Variants in EYS observed in about 807,000 individuals in gnomAD.
EYS encodes the protein EGF-like photoreceptor maintenance factor, also known as protein eyes shut homolog.
EYS carries 250 observed loss-of-function variants against 282.1 expected under a neutral mutation model. That is an observed-to-expected ratio of 0.89 (90% CI 0.80 to 0.98). EYS has a LOEUF of 0.98. Among genes scored for constraint, EYS ranks in the 50% least tolerant of loss-of-function variants. The pLI is 0.00. For missense variants in EYS, 4,016 were observed against 3,709.0 expected (o/e 1.08, Z -2.15); for synonymous variants, 1,355 against 1,282.9 (o/e 1.06, Z -1.20).
chr6:64,409,952 T>C (rs1386869332), intron 28 of EYS, among the ~76,000 whole-genome samples: 1 of 152,146 alleles, frequency 6.6e-6, no homozygotes, highest in African/African-American at 2.4e-5. Context: ...TTATATTTTA[T>C]ATAGCCTGGG....
intron 31 of EYS, among the ~76,000 whole-genome samples, chr6:64,177,776 T>A (rs1256176253): frequency 6.6e-6 from 1 of 152,198 alleles, no homozygotes; most frequent in East Asian, 1.9e-4. Flanking sequence ...TCTCTGATAC[T>A]TTAGATGCAA....
At chr6:64,356,124 A>G (rs1771816775) in intron 29 of EYS, among the ~76,000 whole-genome samples, 1 of 151,644 alleles carries the variant, frequency 6.6e-6, no homozygotes, top group African/African-American at 2.4e-5. Flanking sequence ...TTAAAATTAC[A>G]TGTGGGGGGC....
chr6:64,018,662 T>C (rs576372378), intron 33 of EYS, among the ~76,000 whole-genome samples: 1 of 151,898 alleles, frequency 6.6e-6, no homozygotes, highest in Admixed American at 6.6e-5. Flanking sequence ...TTACTTTATT[T>C]GGAAAAGGGT....
chr6:64,078,284 C>A (rs930659394), intron 32 of EYS, among the ~76,000 whole-genome samples: 2 of 152,010 alleles, frequency 1.3e-5, no homozygotes, highest in Non-Finnish European at 2.9e-5. Flanking sequence ...AAAATCAACA[C>A]CTAATATTTG....
chr6:65,679,987 T>C (rs1309486662), intron 1 of EYS, among the ~76,000 whole-genome samples: 1 of 151,864 alleles, frequency 6.6e-6, no homozygotes, highest in Non-Finnish European at 1.5e-5. Context: ...GGAATCTGTA[T>C]TTTAAGTATT....
At chr6:65,251,817 C>T (rs1224536702) in intron 12 of EYS, among the ~76,000 whole-genome samples, 1 of 151,958 alleles carries the variant, frequency 6.6e-6, no homozygotes, top group East Asian at 1.9e-4. Context: ...AAGGAGACTC[C>T]CAATGCCTAA....
At chr6:64,390,790 C>T (rs1253446936) in intron 28 of EYS, among the ~76,000 whole-genome samples, 20 of 148,802 alleles carry the variant, frequency 1.3e-4, no homozygotes, top group Non-Finnish European at 2.2e-4. Context: ...CTTTGACGAG[C>T]TGAGAGAAGA....
At chr6:65,116,860 T>G (rs572893947) in intron 12 of EYS, among the ~76,000 whole-genome samples, 1 of 148,832 alleles carries the variant, frequency 6.7e-6, no homozygotes, top group Non-Finnish European at 1.5e-5. Context: ...TTATGAAACT[T>G]GAGTCTATCA....
At chr6:64,586,947 A>G (rs1766253188) in intron 26 of EYS, among the ~76,000 whole-genome samples, 1 of 152,246 alleles carries the variant, frequency 6.6e-6, no homozygotes, top group Non-Finnish European at 1.5e-5. Flanking sequence ...AATTGCTAGA[A>G]TATGTTCCCT....
intron 9 of EYS, among the ~76,000 whole-genome samples, chr6:65,349,816 A>G (rs965222072): frequency 6.6e-6 from 1 of 151,490 alleles, no homozygotes; most frequent in Non-Finnish European, 1.5e-5. Context: ...AATAGTAGCT[A>G]CAGTGTAATA....
intron 22 of EYS, among the ~76,000 whole-genome samples, chr6:64,757,188 T>G (rs1407740183): frequency 6.6e-6 from 1 of 152,136 alleles, no homozygotes; most frequent in Non-Finnish European, 1.5e-5. Flanking sequence ...GACCTGATGT[T>G]TTTTGTCTGT....
chr6:64,886,312 C>CT (rs139679309), intron 19 of EYS, among the ~76,000 whole-genome samples: 23,441 of 151,648 alleles, frequency 0.15, 2,142 homozygotes, highest in East Asian at 0.49. Context: ...CAATGGCTGT[C>CT]TTTTTATGTA....
At chr6:65,192,327 GTA>G (rs1383659335) in intron 12 of EYS, among the ~76,000 whole-genome samples, 4 of 139,638 alleles carry the variant, frequency 2.9e-5, no homozygotes, top group Non-Finnish European at 6.4e-5. Flanking sequence ...GTGTGTGTGT[GTA>G]TAATGTGTGG....
chr6:64,714,523 T>TCA (rs1771313794), intron 22 of EYS, among the ~76,000 whole-genome samples: 1 of 139,010 alleles, frequency 7.2e-6, no homozygotes, highest in African/African-American at 2.7e-5. Context: ...TTTCTTTTTT[T>TCA]TTTTTTTTTT....
intron 26 of EYS, among the ~76,000 whole-genome samples, chr6:64,449,724 T>G (rs1488478258): frequency 2.0e-5 from 3 of 152,068 alleles, no homozygotes; most frequent in Admixed American, 1.3e-4. Context: ...AGAAAAGAAT[T>G]TTCAACCCAG....
At chr6:64,439,019 T>C (rs1713617525) in intron 27 of EYS, 143 bp downstream of exon 27, 1 of 406,184 alleles carries the variant, frequency 2.5e-6, no homozygotes, top group Admixed American at 4.5e-5. Flanking sequence ...AGAAAGAAAT[T>C]ATAAAAGTAG....
chr6:64,165,343 T>G (rs1676952190), intron 31 of EYS, among the ~76,000 whole-genome samples: 1 of 152,094 alleles, frequency 6.6e-6, no homozygotes, highest in Non-Finnish European at 1.5e-5. Flanking sequence ...TAATTTATAA[T>G]TAATCTATAA....
At chr6:65,237,330 T>C (rs775270099) in intron 12 of EYS, among the ~76,000 whole-genome samples, 1 of 152,120 alleles carries the variant, frequency 6.6e-6, no homozygotes, top group African/African-American at 2.4e-5. Flanking sequence ...AACTACAAAG[T>C]ATAAGGAATG....
intron 33 of EYS, among the ~76,000 whole-genome samples, chr6:64,019,591 A>G (rs917063096): frequency 6.6e-6 from 1 of 151,304 alleles, no homozygotes; most frequent in East Asian, 1.9e-4. Flanking sequence ...TTGCATTTTT[A>G]GTGGAGACGG....
Sources: allele counts gnomAD v4.1 joint callset (sites outside exome capture counted in the v4.1 genomes callset), GRCh38; gene constraint gnomAD v4.1.1; transcripts MANE v1.5; gene names NCBI Gene and HGNC (gene_info 2026-07-23, HGNC 2026-07-21).